Variants in SNX9 observed in about 807,000 individuals in gnomAD.
The protein encoded by SNX9 is sorting nexin-9.
A neutral mutation model predicts 89.4 loss-of-function variants in SNX9; 44 were observed. The ratio of observed to expected loss-of-function variants is 0.49; its 90% CI spans 0.39 to 0.63. The LOEUF (loss-of-function observed/expected upper bound fraction) is 0.63, where lower values mean the gene tolerates loss of function less well. Ranked by LOEUF, SNX9 falls within the 30% of genes least tolerant of loss-of-function variation. SNX9 has a pLI of 0.00. For synonymous variants in SNX9, 236 were observed against 247.8 expected (o/e 0.95, Z 0.45); for missense variants, 578 against 736.1 (o/e 0.79, Z 2.49).
intron 4 of SNX9, among the ~76,000 whole-genome samples, chr6:157,894,106 CTTTTT>C (rs746909411): frequency 4.5e-5 from 4 of 89,530 alleles, no homozygotes; most frequent in Admixed American, 1.2e-4. Flanking sequence ...CTTTTCTTTT[CTTTTT>C]TTTTTTTTTT....
intron 1 of SNX9, among the ~76,000 whole-genome samples, chr6:157,848,914 G>A (rs937199937): frequency 2.0e-5 from 3 of 152,210 alleles, no homozygotes; most frequent in Non-Finnish European, 4.4e-5. Flanking sequence ...ATTTGGTCAG[G>A]TGAAGAAAGA....
At chr6:157,924,035 T>TA (rs1391676295) in intron 10 of SNX9, among the ~76,000 whole-genome samples, 1 of 152,048 alleles carries the variant, frequency 6.6e-6, no homozygotes, top group Non-Finnish European at 1.5e-5. Context: ...CTGTCTCTAC[T>TA]AAAAATACAA....
intron 1 of SNX9, chr6:157,830,260 ATGT>A (rs1269965540): frequency 6.6e-6 from 1 of 152,146 alleles, no homozygotes; most frequent in African/African-American, 2.4e-5. Flanking sequence ...TTGAGAAGGT[ATGT>A]TGTTGGTAAA....
Position 157,823,418 on chromosome 6 carries a change from C to A in SNX9, c.-17C>A. 1 of 1,248,550 alleles carries A rather than the reference C, an allele frequency of 8.0e-7. No homozygotes were observed. 77.3% of individuals were successfully genotyped at this position (1,248,550 alleles called of 1,614,324 possible). A position where few individuals can be genotyped will look rare whatever the true frequency, so the allele number is the denominator to read the frequency against. ...GGGAGACGAGCCGGCCGTCCCGGGC[C>A]GGGGGACCCGCCCGCCATGGCCACC... On this transcript the variant is annotated 5_prime_UTR_variant, in exon 1 of 18. Coordinates refer to ENST00000392185, the MANE Select transcript of SNX9 (RefSeq NM_016224.5). The surrounding 1 kb of genome is among the most constrained non-coding windows in gnomAD (Gnocchi z 4.6).
rs948599164 is a variant in SNX9 at position 157,944,984 on chromosome 6, G to A, written c.*2146G>A. Reference sequence around the variant, plus strand: ...CATGCACCATTTGGTTCTTAGATACGTTGATGTTTTGATTTTTAATGATTT... The same window carrying A: ...CATGCACCATTTGGTTCTTAGATACATTGATGTTTTGATTTTTAATGATTT... On this transcript the variant is annotated 3_prime_UTR_variant, in exon 18 of 18. Coordinates refer to ENST00000392185, the MANE Select transcript of SNX9 (RefSeq NM_016224.5). The A allele has an allele frequency of 5.3e-5, 8 of 152,184 alleles. No individual in the cohort carries two copies. Among genetic ancestry groups the A allele is most frequent in the African/African-American group, 1.2e-4 (5 of 41,436 alleles). 9.4% of individuals were successfully genotyped at this position (152,184 alleles called of 1,614,324 possible).
chr6:157,910,319 G>A (rs1434635707), intron 9 of SNX9, among the ~76,000 whole-genome samples: 1 of 152,102 alleles, frequency 6.6e-6, no homozygotes, highest in Non-Finnish European at 1.5e-5. Flanking sequence ...AAAGAAATGT[G>A]TACATTTAAA....
At chr6:157,870,745 C>T (rs559284402) in intron 2 of SNX9, among the ~76,000 whole-genome samples, 2 of 151,070 alleles carry the variant, frequency 1.3e-5, no homozygotes, top group African/African-American at 2.4e-5. Flanking sequence ...CAAGCATGCA[C>T]ACCCCTCAGA....
At chr6:157,939,042 G>A (rs1443556436) in intron 16 of SNX9, among the ~76,000 whole-genome samples, 1 of 152,102 alleles carries the variant, frequency 6.6e-6, no homozygotes, top group African/African-American at 2.4e-5. Context: ...TCTATTAAAT[G>A]CCAGAGCCCA....
chr6:157,867,500 C>T (rs1043390039), intron 1 of SNX9, 47 bp from the exon 2 acceptor site: 2 of 1,492,746 alleles, frequency 1.3e-6, no homozygotes, highest in Admixed American at 1.7e-5. Context: ...GTTTTTACTA[C>T]TCTGTTTGTG....
chr6:157,894,621 G>A (rs1782941728), intron 4 of SNX9, among the ~76,000 whole-genome samples: 1 of 152,036 alleles, frequency 6.6e-6, no homozygotes, highest in African/African-American at 2.4e-5. Flanking sequence ...TTATTTGTAA[G>A]ATTAATAATT....
chr6:157,914,476 T>C (rs941114174), intron 9 of SNX9, among the ~76,000 whole-genome samples: 3 of 129,086 alleles, frequency 2.3e-5, no homozygotes, highest in African/African-American at 9.4e-5. Flanking sequence ...TTTCTTTTTT[T>C]TTTTTTTTTT....
In SNX9 at chr6:157,901,976, C is replaced by G; in HGVS notation, c.551C>G (p.Ala184Gly). The G allele has an allele frequency of 1.2e-6, 2 of 1,613,600 alleles. No homozygotes were observed. The highest frequency in any genetic ancestry group is 1.7e-6 in the Non-Finnish European group (2 of 1,179,928). ...TCCTACTTTAAGGATTCAGAGTCAG[C>G]TGATGCAGGCGGCGCTCAGCGAGGA... ...SSSYFKDSESADAGGAQRGNS... is the reference protein window; with the variant it reads ...SSSYFKDSESGDAGGAQRGNS... The change falls in exon 6 of 18, where the codon GCT becomes GGT. Residue 184 changes from alanine (A) to glycine (G), a missense_variant. Around this residue, in one of 2 missense-constraint regions of SNX9, gnomAD observed 230 missense variants for 244.7 expected, o/e 0.94. Transcript: ENST00000392185.
intron 9 of SNX9, among the ~76,000 whole-genome samples, chr6:157,918,315 A>G (rs1272758059): frequency 6.6e-6 from 1 of 152,118 alleles, no homozygotes; most frequent in African/African-American, 2.4e-5. Context: ...TGTAATTTTA[A>G]TATCTTCCTG....
At position 157,944,560 on chromosome 6, in the gene SNX9, T is replaced by G. The variant is rs1441465242; in HGVS notation, c.*1722T>G. 6.6e-6 allele frequency: 1 copy of G among 152,466 alleles called. No individual in the cohort carries two copies. Among genetic ancestry groups the G allele is most frequent in the Non-Finnish European group, 1.5e-5 (1 of 68,036 alleles). 9.4% of individuals were successfully genotyped at this position (152,466 alleles called of 1,614,324 possible). On this transcript the variant is annotated 3_prime_UTR_variant, in exon 18 of 18. Transcript: ENST00000392185. Reference sequence around the variant, plus strand: ...CACTTTTTGGACTTTGTGTGTGATTTTTGTTGTTGTTGTTAAGTACTTTTT... The same window carrying G: ...CACTTTTTGGACTTTGTGTGTGATTGTTGTTGTTGTTGTTAAGTACTTTTT...
intron 1 of SNX9, among the ~76,000 whole-genome samples, chr6:157,848,046 G>A (rs542795483): frequency 2.0e-5 from 3 of 152,020 alleles, no homozygotes; most frequent in African/African-American, 2.4e-5. Context: ...TTACTCTGTC[G>A]CATCACCTGA....
At chr6:157,941,300 A>G (rs1784030767) in intron 17 of SNX9, among the ~76,000 whole-genome samples, 1 of 152,060 alleles carries the variant, frequency 6.6e-6, no homozygotes, top group African/African-American at 2.4e-5. Flanking sequence ...GCTGAATGAG[A>G]TGAGGTCACC....
chr6:157,916,292 C>G (rs537949433), intron 9 of SNX9, among the ~76,000 whole-genome samples: 8 of 152,304 alleles, frequency 5.3e-5, no homozygotes, highest in African/African-American at 1.7e-4. Context: ...CCTCGGCCTC[C>G]CAAAGTGCTG....
intron 4 of SNX9, among the ~76,000 whole-genome samples, chr6:157,891,837 G>A (rs767631079): frequency 3.3e-5 from 5 of 152,204 alleles, no homozygotes; most frequent in Non-Finnish European, 7.3e-5. Flanking sequence ...GTGAGGAACA[G>A]CAGAGATGTA....
At chr6:157,824,290 A>G (rs920709088) in intron 1 of SNX9, among the ~76,000 whole-genome samples, 4 of 152,124 alleles carry the variant, frequency 2.6e-5, no homozygotes, top group African/African-American at 9.7e-5. Context: ...CGTTTTCAGT[A>G]GTTACTTGAT....
Sources: allele counts gnomAD v4.1 joint callset (sites outside exome capture counted in the v4.1 genomes callset), GRCh38; gene constraint gnomAD v4.1.1; regional missense constraint gnomAD v4.1.1; non-coding constraint Gnocchi (gnomAD v3.1); transcripts MANE v1.5; gene names NCBI Gene and HGNC (gene_info 2026-07-23, HGNC 2026-07-21).